Variants in NTM observed in about 807,000 individuals in gnomAD.
The protein encoded by NTM is IgLON family member 2.
A neutral mutation model predicts 42.1 loss-of-function variants in NTM; 13 were observed. The ratio of observed to expected loss-of-function variants is 0.31; its 90% CI spans 0.20 to 0.49. The LOEUF (loss-of-function observed/expected upper bound fraction) is 0.49. Among genes scored for constraint, NTM ranks in the 20% least tolerant of loss-of-function variants. The pLI is 0.99. For missense variants in NTM, 373 were observed against 452.8 expected (o/e 0.82, Z 1.60); for synonymous variants, 187 against 179.2 (o/e 1.04, Z -0.35).
rs370468354 is a variant in NTM at position 131,432,839 on chromosome 11, C to T, written c.82+61951C>T. ...CTACAAAAGATGAAGATTTAGCATT[C>T]TTTTTTTTTTTTTTTTTTTTTTTTT... On this transcript the variant is annotated intron_variant, in intron 1 of 8. Transcript: ENST00000683400. Among the ~76,000 whole-genome samples, 112 of 68,670 alleles carry T rather than the reference C, an allele frequency of 1.6e-3. 1 individual carries two copies. Among genetic ancestry groups the T allele is most frequent in the African/African-American group, 5.5e-3 (88 of 16,094 alleles). The allele number at this position is 68,670 out of a possible 152,430, so 45.1% of individuals were successfully genotyped here.
chr11:132,214,955 A>G (rs2083528812), intron 4 of NTM, among the ~76,000 whole-genome samples: 1 of 152,188 alleles, frequency 6.6e-6, no homozygotes. Flanking sequence ...CTCAGAACTC[A>G]CCAGAGTGCC....
intron 3 of NTM, among the ~76,000 whole-genome samples, chr11:132,203,707 C>T (rs559005132): frequency 2.6e-5 from 4 of 152,118 alleles, no homozygotes; most frequent in African/African-American, 4.8e-5. Context: ...CTGGCTAACA[C>T]GGTGAAACCC....
intron 1 of NTM, among the ~76,000 whole-genome samples, chr11:131,483,578 G>A (rs1384158407): frequency 6.6e-6 from 1 of 152,230 alleles, no homozygotes; most frequent in African/African-American, 2.4e-5. Flanking sequence ...GGAATTCAAT[G>A]AAAGCTACAG....
intron 1 of NTM, among the ~76,000 whole-genome samples, chr11:131,687,409 G>A (rs150451740): frequency 2.2e-3 from 338 of 152,304 alleles, no homozygotes; most frequent in African/African-American, 7.7e-3. Flanking sequence ...AATGAGGGCT[G>A]TAAGGTTTGC....
At chr11:131,860,641 C>G (rs1312693943) in intron 1 of NTM, among the ~76,000 whole-genome samples, 2 of 152,212 alleles carry the variant, frequency 1.3e-5, no homozygotes, top group African/African-American at 4.8e-5. Flanking sequence ...AGTTAACGAA[C>G]AGTGGAAACC....
chr11:131,684,234 C>T (rs374200236), intron 1 of NTM, among the ~76,000 whole-genome samples: 24 of 152,170 alleles, frequency 1.6e-4, no homozygotes, highest in Admixed American at 1.2e-3. Flanking sequence ...ACCACGAGGA[C>T]GTCCTGACGA....
chr11:132,030,719 A>G (rs2075803660), intron 2 of NTM, among the ~76,000 whole-genome samples: 1 of 152,240 alleles, frequency 6.6e-6, no homozygotes, highest in Admixed American at 6.5e-5. Context: ...CTTAAGAAGA[A>G]GATATGATTC....
At chr11:132,320,768 A>G (rs1298732779) in intron 7 of NTM, among the ~76,000 whole-genome samples, 30 of 151,784 alleles carry the variant, frequency 2.0e-4, no homozygotes, top group Non-Finnish European at 2.5e-4. Flanking sequence ...GCAGACTTAA[A>G]TGTCCCTGTC....
chr11:131,990,393 TTC>T (rs1407386217), intron 2 of NTM, among the ~76,000 whole-genome samples: 1 of 152,138 alleles, frequency 6.6e-6, no homozygotes, highest in Non-Finnish European at 1.5e-5. Context: ...ATATTTCATA[TTC>T]TTTTAGGTGA....
chr11:131,544,197 C>T (rs1418052083), intron 1 of NTM, among the ~76,000 whole-genome samples: 1 of 152,162 alleles, frequency 6.6e-6, no homozygotes, highest in African/African-American at 2.4e-5. Flanking sequence ...CTCTTTCTGG[C>T]ACTTGGAATA....
intron 1 of NTM, among the ~76,000 whole-genome samples, chr11:131,854,521 A>C (rs2045914956): frequency 6.6e-6 from 1 of 152,126 alleles, no homozygotes; most frequent in African/African-American, 2.4e-5. Flanking sequence ...AAGGAAATGT[A>C]CTCTACACCA....
At position 131,734,413 on chromosome 11, in the gene NTM, T is replaced by G. The variant is rs187712084; in HGVS notation, c.83-177151T>G. The stretch of plus-strand genomic sequence containing the variant: ...GTCTTTTCTTCCTTCCCTTCTTCCT[T>G]TCCTCCTTTTCTGCCTCCTGGTCTC... On this transcript the variant is annotated intron_variant, in intron 1 of 8. Transcript: ENST00000683400. 4.6e-5 allele frequency among the ~76,000 whole-genome samples: 7 copies of G among 152,284 alleles called. No individual in the cohort carries two copies. The East Asian group carries it at 1.4e-3, about 29-fold the overall frequency.
At chr11:131,804,352 G>T (rs1453301464) in intron 1 of NTM, among the ~76,000 whole-genome samples, 3 of 152,064 alleles carry the variant, frequency 2.0e-5, no homozygotes, top group African/African-American at 7.2e-5. Context: ...GTTGGGGTAC[G>T]GCCACACTCA....
At chr11:132,107,972 G>A (rs1320428550) in intron 2 of NTM, among the ~76,000 whole-genome samples, 1 of 152,130 alleles carries the variant, frequency 6.6e-6, no homozygotes, top group Non-Finnish European at 1.5e-5. Context: ...TAGGTATAGT[G>A]ATCTGATAGA....
chr11:132,330,542 A>G (rs1159262473), intron 8 of NTM, among the ~76,000 whole-genome samples: 1 of 152,162 alleles, frequency 6.6e-6, no homozygotes, highest in Admixed American at 6.5e-5. Context: ...TTGGCCCTGC[A>G]TGCTGCCCTT....
intron 2 of NTM, among the ~76,000 whole-genome samples, chr11:131,927,628 T>G (rs2058107412): frequency 6.6e-6 from 1 of 152,204 alleles, no homozygotes; most frequent in African/African-American, 2.4e-5. Context: ...CAACAGACTT[T>G]CAAAATACTA....
At chr11:132,135,116 T>C (rs1208364995) in intron 2 of NTM, among the ~76,000 whole-genome samples, 2 of 152,128 alleles carry the variant, frequency 1.3e-5, no homozygotes, top group Non-Finnish European at 2.9e-5. Flanking sequence ...CCCTCACCCC[T>C]GTGTCAGTGT....
chr11:132,244,962 C>G (rs2090859526), intron 4 of NTM, among the ~76,000 whole-genome samples: 1 of 152,230 alleles, frequency 6.6e-6, no homozygotes, highest in Non-Finnish European at 1.5e-5. Flanking sequence ...TACGTTTGCG[C>G]CCGTGTTTTC....
chr11:132,223,332 G>T (rs542935525), intron 4 of NTM, among the ~76,000 whole-genome samples: 4 of 152,124 alleles, frequency 2.6e-5, no homozygotes, highest in South Asian at 2.1e-4. Flanking sequence ...AGGGTAAGAG[G>T]CAAAGAGATG....
Sources: allele counts gnomAD v4.1 joint callset (sites outside exome capture counted in the v4.1 genomes callset), GRCh38; gene constraint gnomAD v4.1.1; transcripts MANE v1.5; gene names NCBI Gene and HGNC (gene_info 2026-07-23, HGNC 2026-07-21).